UGT2A2: variants seen among roughly 807,000 people sequenced by gnomAD.
UGT2A2 encodes the protein UDP glucuronosyltransferase family 2 member A2, also known as UDP-glucuronosyltransferase 2A2.
UGT2A2 carries 60 observed loss-of-function variants against 50.7 expected under a neutral mutation model. That is an observed-to-expected ratio of 1.18 (90% CI 0.96 to 1.47). The LOEUF (loss-of-function observed/expected upper bound fraction) is 1.47, where lower values mean the gene tolerates loss of function less well. Ranked by LOEUF, UGT2A2 falls within the 40% of genes most tolerant of loss-of-function variation. The pLI is 0.00. For synonymous variants in UGT2A2, 242 were observed against 214.6 expected, an observed-to-expected ratio of 1.13 and a Z score of -1.11; for missense variants, 762 against 634.0, an observed-to-expected ratio of 1.20 and a Z score of -2.17.
chr4:69,628,966 C>G (rs1721240146), intron 1 of UGT2A2, among the ~76,000 whole-genome samples: 2 of 151,442 alleles, frequency 1.3e-5, no homozygotes. Flanking sequence ...ATTGTTGAAC[C>G]CAAATTGATA....
At chr4:69,628,217 A>G (rs1721193956) in intron 1 of UGT2A2, among the ~76,000 whole-genome samples, 1 of 151,950 alleles carries the variant, frequency 6.6e-6, no homozygotes, top group Non-Finnish European at 1.5e-5. Context: ...ATGAATCCAT[A>G]TTAAAATCCC....
chr4:69,632,498 A>C (rs570917061), intron 1 of UGT2A2, among the ~76,000 whole-genome samples: 50 of 152,268 alleles, frequency 3.3e-4, no homozygotes, highest in African/African-American at 1.2e-3. Flanking sequence ...CACGGAGGAT[A>C]ATTTCTATTT....
intron 1 of UGT2A2, among the ~76,000 whole-genome samples, chr4:69,600,015 A>AT (rs111922073): frequency 2.6e-5 from 4 of 152,290 alleles, no homozygotes; most frequent in African/African-American, 7.2e-5. Context: ...CACACTGTGA[A>AT]TTTGTTTACA....
At chr4:69,617,880 C>A (rs1577974523) in intron 1 of UGT2A2, among the ~76,000 whole-genome samples, 1 of 151,604 alleles carries the variant, frequency 6.6e-6, no homozygotes, top group Non-Finnish European at 1.5e-5. Context: ...TACTTAGTTT[C>A]CTGAGGAAGA....
At chr4:69,616,873 T>C (rs1402679648) in intron 1 of UGT2A2, among the ~76,000 whole-genome samples, 3 of 150,908 alleles carry the variant, frequency 2.0e-5, no homozygotes, top group African/African-American at 7.3e-5. Flanking sequence ...CTAAGTTTCA[T>C]TTTCCCACTT....
chr4:69,632,752 G>A (rs1165200925), intron 1 of UGT2A2, among the ~76,000 whole-genome samples: 1 of 151,916 alleles, frequency 6.6e-6, no homozygotes, highest in Non-Finnish European at 1.5e-5. Flanking sequence ...GCCAGACATG[G>A]TGAAGGGCTC....
At chr4:69,625,175 CT>C (rs1262336755) in intron 1 of UGT2A2, among the ~76,000 whole-genome samples, 161 of 145,492 alleles carry the variant, frequency 1.1e-3, no homozygotes, top group African/African-American at 4.0e-3. Flanking sequence ...CTTTTTTTTT[CT>C]TTGCTAGATG....
chr4:69,598,777 A>C (rs150040807), intron 2 of UGT2A2, among the ~76,000 whole-genome samples: 61 of 152,248 alleles, frequency 4.0e-4, no homozygotes, highest in African/African-American at 1.3e-3. Context: ...CTCAAGATTA[A>C]AACCTAAGAG....
intron 5 of UGT2A2, among the ~76,000 whole-genome samples, chr4:69,592,062 T>A (rs1718623942): frequency 6.6e-6 from 1 of 152,144 alleles, no homozygotes; most frequent in African/African-American, 2.4e-5. Context: ...AAACCAACTG[T>A]TGAGTGTCTT....
intron 1 of UGT2A2, among the ~76,000 whole-genome samples, chr4:69,615,701 G>A (rs889301691): frequency 7.2e-5 from 11 of 151,742 alleles, no homozygotes; most frequent in Non-Finnish European, 1.5e-5. Context: ...TTACCACCCT[G>A]ACCCCGCCGC....
intron 1 of UGT2A2, among the ~76,000 whole-genome samples, chr4:69,611,087 A>T (rs1720008954): frequency 1.3e-5 from 2 of 151,470 alleles, no homozygotes; most frequent in Non-Finnish European, 2.9e-5. Context: ...ATTTTAAAAT[A>T]GGTAGAATAA....
At chr4:69,594,413 A>G (rs1210030181) in intron 5 of UGT2A2, 64 bp downstream of exon 5, 4 of 1,569,018 alleles carry the variant, frequency 2.5e-6, no homozygotes, top group Non-Finnish European at 2.6e-6. Flanking sequence ...AAGAATGTAC[A>G]TTTTCTGGTA....
intron 3 of UGT2A2, 149 bp downstream of exon 3, chr4:69,596,101 T>C: frequency 8.4e-7 from 1 of 1,194,196 alleles, no homozygotes; most frequent in Non-Finnish European, 1.1e-6. Flanking sequence ...GTACACAATT[T>C]TAATATATTA....
intron 1 of UGT2A2, among the ~76,000 whole-genome samples, chr4:69,612,168 GA>G (rs1251268561): frequency 2.0e-5 from 3 of 151,816 alleles, no homozygotes; most frequent in African/African-American, 7.3e-5. Context: ...CTTCATGTAT[GA>G]AAATCAGCAA....
At chr4:69,625,186 G>T (rs1299000939) in intron 1 of UGT2A2, among the ~76,000 whole-genome samples, 1 of 150,484 alleles carries the variant, frequency 6.6e-6, no homozygotes, top group Non-Finnish European at 1.5e-5. Context: ...TTTGCTAGAT[G>T]AAGTATTTTT....
intron 1 of UGT2A2, among the ~76,000 whole-genome samples, chr4:69,611,300 T>TTTTTTTTTTTTTTTTTTTTG (rs1553904914): frequency 6.7e-6 from 1 of 148,960 alleles, no homozygotes; most frequent in African/African-American, 2.5e-5. Flanking sequence ...CAGCTATTCT[T>TTTTTTTTTTTTTTTTTTTTG]AATGCTATTA....
At chr4:69,595,968 G>A (rs1718897639) in intron 3 of UGT2A2, among the ~76,000 whole-genome samples, 1 of 152,140 alleles carries the variant, frequency 6.6e-6, no homozygotes, top group African/African-American at 2.4e-5. Context: ...ATTTCAAATA[G>A]TAAAAGGTCA....
At chr4:69,620,705 C>T (rs371012588) in intron 1 of UGT2A2, among the ~76,000 whole-genome samples, 1 of 146,824 alleles carries the variant, frequency 6.8e-6, no homozygotes. Context: ...ACAAAAAGAA[C>T]GAAGATGGAG....
At chr4:69,589,709 G>A in intron 5 of UGT2A2, 58 bp from the exon 6 acceptor site, 1 of 1,554,422 alleles carries the variant, frequency 6.4e-7, no homozygotes. Flanking sequence ...TTTCATTGAA[G>A]ATAAATATGT....
Sources: gnomAD v4.1 joint callset for allele counts (sites outside exome capture counted in the v4.1 genomes callset) on GRCh38, gnomAD v4.1.1 for gene constraint, MANE v1.5 for transcripts, NCBI Gene and HGNC (gene_info 2026-07-23, HGNC 2026-07-21) for gene names.